KLHL29: variants seen among roughly 807,000 people sequenced by gnomAD.
The protein encoded by KLHL29 is kelch like family member 29, also known as kelch-like protein 29.
Under a neutral mutation model 80.4 loss-of-function variants are expected in KLHL29, and 21 were observed. That is an observed-to-expected ratio of 0.26 (90% CI 0.19 to 0.38). The LOEUF is 0.38. KLHL29 is among the 10% of genes least tolerant of loss of function. The probability of loss-of-function intolerance (pLI) is 1.00; values close to 1 mark genes in which losing one functional copy is unlikely to be tolerated. For synonymous variants in KLHL29, 511 were observed against 526.8 expected, an observed-to-expected ratio of 0.97 and a Z score of 0.41; for missense variants, 867 against 1,223.9, an observed-to-expected ratio of 0.71 and a Z score of 4.35.
chr2:23,581,278 C>A (rs1667973339), intron 3 of KLHL29, among the ~76,000 whole-genome samples: 1 of 152,190 alleles, frequency 6.6e-6, no homozygotes, highest in South Asian at 2.1e-4. Context: ...CCACTCCCCA[C>A]CCGGTCTTCC....
At chr2:23,563,863 T>C (rs11695396) in intron 3 of KLHL29, among the ~76,000 whole-genome samples, 55,834 of 152,162 alleles carry the variant, frequency 0.37, 12,677 homozygotes, top group Non-Finnish European at 0.49. Context: ...GAAAGAATGT[T>C]GGACAGGGGA....
At chr2:23,403,611 A>G (rs1414518808) in intron 1 of KLHL29, among the ~76,000 whole-genome samples, 1 of 152,202 alleles carries the variant, frequency 6.6e-6, no homozygotes, top group Non-Finnish European at 1.5e-5. Context: ...AGGTGCAATT[A>G]ACCAGGTCCT....
intron 1 of KLHL29, 114 bp from the exon 2 acceptor site, chr2:23,475,446 C>T (rs1466034294): frequency 7.6e-6 from 1 of 131,936 alleles, no homozygotes; most frequent in African/African-American, 3.1e-5. Context: ...AGTGTGGGGA[C>T]CACCCAGGAT....
chr2:23,523,106 C>T (rs1280133764), intron 2 of KLHL29, among the ~76,000 whole-genome samples: 2 of 152,204 alleles, frequency 1.3e-5, no homozygotes, highest in Non-Finnish European at 1.5e-5. Context: ...AACTGCCTGG[C>T]ATTCTCACTT....
chr2:23,548,681 C>T (rs1009151287), intron 2 of KLHL29, among the ~76,000 whole-genome samples: 16 of 152,304 alleles, frequency 1.1e-4, no homozygotes, highest in East Asian at 1.9e-4. Context: ...GCAGTGAGCG[C>T]GTGGCAAGCA....
rs548048515 is a variant in KLHL29 at position 23,647,635 on chromosome 2, G to A, written c.940+4785G>A. Among the ~76,000 whole-genome samples the A allele has an allele frequency of 8.9e-4, 135 of 152,222 alleles. 1 individual carries two copies. The highest frequency in any genetic ancestry group is 3.4e-3 in the Middle Eastern group (1 of 294). On this transcript the variant is annotated intron_variant, in intron 5 of 13. Coordinates refer to ENST00000486442, the MANE Select transcript of KLHL29 (RefSeq NM_052920.2). This position sits in a 1 kb window ranked among gnomAD's most constrained non-coding sequence, Gnocchi z 4.9. Reference sequence around the variant, plus strand: ...TGCATTCCTTCCAGTCTGGCTCTACGGTGCTGCCAGAGTGATTTTTCAAAA... The same window carrying A: ...TGCATTCCTTCCAGTCTGGCTCTACAGTGCTGCCAGAGTGATTTTTCAAAA...
At chr2:23,555,897 C>T (rs1251985290) in intron 2 of KLHL29, among the ~76,000 whole-genome samples, 2 of 152,210 alleles carry the variant, frequency 1.3e-5, no homozygotes. Flanking sequence ...GTGGATGTGG[C>T]ATTGCTGCAT....
At chr2:23,461,697 G>A (rs1183422691) in intron 1 of KLHL29, among the ~76,000 whole-genome samples, 3 of 148,650 alleles carry the variant, frequency 2.0e-5, no homozygotes, top group Non-Finnish European at 4.4e-5. Context: ...CCACTATCCA[G>A]TGTACCCCTT....
intron 3 of KLHL29, among the ~76,000 whole-genome samples, chr2:23,581,118 T>C (rs1667969108): frequency 6.6e-6 from 1 of 152,056 alleles, no homozygotes; most frequent in Admixed American, 6.6e-5. Flanking sequence ...TAGACTCACA[T>C]CCGAGAAAAT....
At chr2:23,575,318 A>T (rs1667816335) in intron 3 of KLHL29, among the ~76,000 whole-genome samples, 1 of 152,156 alleles carries the variant, frequency 6.6e-6, no homozygotes, top group Admixed American at 6.5e-5. Context: ...CATCAAGCCC[A>T]CCAGAGCCCA....
In KLHL29 at chr2:23,597,343, G is replaced by GTATATGTA. The variant is rs1558402716; in HGVS notation, c.285+34863_285+34864insATATGTAT. On this transcript the variant is annotated intron_variant, in intron 3 of 13. Transcript: ENST00000486442. Reference sequence around the variant, plus strand: ...TGTGTGTGTGTGTGTGTGTGTGTGTGTGTATGTATATGTGTATGTATATAT... The same window carrying GTATATGTA: ...TGTGTGTGTGTGTGTGTGTGTGTGTGTATATGTATGTATGTATATGTGTATGTATATAT... Among the ~76,000 whole-genome samples the GTATATGTA allele has an allele frequency of 7.0e-4, 94 of 134,444 alleles. 1 individual carries two copies. Among genetic ancestry groups the GTATATGTA allele is most frequent in the African/African-American group, 2.5e-3 (88 of 34,626 alleles). The allele number at this position is 134,444 out of a possible 152,430, so 88.2% of individuals were successfully genotyped here.
At chr2:23,597,309 A>ATATGTGTGTGTGTG (rs1558402682) in intron 3 of KLHL29, among the ~76,000 whole-genome samples, 4 of 100,518 alleles carry the variant, frequency 4.0e-5, no homozygotes, top group African/African-American at 1.6e-4. Context: ...ATATATATAT[A>ATATGTGTGTGTGTG]TGTGTGTGTG....
At chr2:23,392,385 G>A (rs1666341043) in intron 1 of KLHL29, among the ~76,000 whole-genome samples, 2 of 152,196 alleles carry the variant, frequency 1.3e-5, no homozygotes, top group Non-Finnish European at 2.9e-5. Context: ...CCCTTGAGTT[G>A]ATTTGATGTG....
intron 1 of KLHL29, among the ~76,000 whole-genome samples, chr2:23,415,736 T>C (rs1167941429): frequency 1.3e-5 from 2 of 152,136 alleles, no homozygotes; most frequent in Non-Finnish European, 2.9e-5. Context: ...TCTCACTCTG[T>C]TGCCCAGGCT....
At chr2:23,414,721 C>G (rs1351873166) in intron 1 of KLHL29, among the ~76,000 whole-genome samples, 2 of 152,184 alleles carry the variant, frequency 1.3e-5, no homozygotes, top group African/African-American at 2.4e-5. Context: ...CATAGCATAG[C>G]CCCAAATGCC....
intron 2 of KLHL29, among the ~76,000 whole-genome samples, chr2:23,504,484 G>C (rs1488213812): frequency 6.6e-6 from 1 of 152,182 alleles, no homozygotes; most frequent in Non-Finnish European, 1.5e-5. Flanking sequence ...CAGCAAAGGC[G>C]GCTGTCTGGA....
chr2:23,411,301 G>A (rs1302954934), intron 1 of KLHL29, among the ~76,000 whole-genome samples: 1 of 151,756 alleles, frequency 6.6e-6, no homozygotes, highest in Non-Finnish European at 1.5e-5. Context: ...AGAATAAACA[G>A]ATGTGTCAGA....
At position 23,682,190 on chromosome 2, in the gene KLHL29, A is replaced by T. The variant is rs1671104479; in HGVS notation, c.941-2209A>T. Reference sequence around the variant, plus strand: ...TTTCTCTGTCCTGCTGTTGCTGTGTAATTCCGGCCTTCTCACCTCTCCCTC... The same window carrying T: ...TTTCTCTGTCCTGCTGTTGCTGTGTTATTCCGGCCTTCTCACCTCTCCCTC... On this transcript the variant is annotated intron_variant, in intron 5 of 13. Transcript: ENST00000486442. This position sits in a 1 kb window ranked among gnomAD's most constrained non-coding sequence, Gnocchi z 4.1. Among the ~76,000 whole-genome samples, 1 of 152,098 alleles carries T rather than the reference A, an allele frequency of 6.6e-6. No individual in the cohort carries two copies. The highest frequency in any genetic ancestry group is 6.5e-5 in the Admixed American group (1 of 15,270).
rs540020233 is a variant in KLHL29, at chr2:23,598,290, AC to A, written c.285+35811del. Among the ~76,000 whole-genome samples, 6 of 152,360 alleles carry A rather than the reference AC, an allele frequency of 3.9e-5. No homozygotes were observed. In the South Asian group the frequency reaches 1.2e-3, roughly 32 times the overall value. ...AACCGAGGGTTAGGGAAGTTCATTTACCAAGATCATTTGCAAAGTAACTGAT... is the reference window on the plus strand; with the variant it reads ...AACCGAGGGTTAGGGAAGTTCATTTACAAGATCATTTGCAAAGTAACTGAT... On this transcript the variant is annotated intron_variant, in intron 3 of 13. Transcript: ENST00000486442.
Sources: allele counts gnomAD v4.1 joint callset (sites outside exome capture counted in the v4.1 genomes callset), GRCh38; gene constraint gnomAD v4.1.1; non-coding constraint Gnocchi (gnomAD v3.1); transcripts MANE v1.5; gene names NCBI Gene and HGNC (gene_info 2026-07-23, HGNC 2026-07-21).